IGFL2: variants seen among roughly 807,000 people sequenced by gnomAD.
IGFL2 encodes IGF like family member 2.
Under a neutral mutation model 13.9 loss-of-function variants are expected in IGFL2, and 7 were observed. The observed-to-expected ratio is 0.51, with a 90% CI of 0.29 to 0.95. IGFL2 has a LOEUF of 0.95. Ranked by LOEUF, IGFL2 falls within the 40% of genes least tolerant of loss-of-function variation. IGFL2 has a pLI of 0.08. For missense variants in IGFL2, 138 were observed against 147.8 expected, an observed-to-expected ratio of 0.93 and a Z score of 0.34; for synonymous variants, 55 against 55.8, an observed-to-expected ratio of 0.99 and a Z score of 0.07.
chr19:46,176,009 A>ATTTTTTTTT, the IGFL2 span, among the ~76,000 whole-genome samples: 4 of 71,894 alleles, frequency 5.6e-5, no homozygotes, highest in Admixed American at 3.7e-4. Context: ...CGCCCGACTA[A>ATTTTTTTTT]TTTTTTTTTT....
At chr19:46,214,925 C>G in the IGFL2 span, 11 of 151,390 alleles carry the variant, frequency 7.3e-5, no homozygotes, top group South Asian at 8.4e-4. Flanking sequence ...CACAGGCTGT[C>G]ACGTGTCCTC....
At chr19:46,186,083 C>T in the IGFL2 span, among the ~76,000 whole-genome samples, 15 of 152,260 alleles carry the variant, frequency 9.9e-5, no homozygotes, top group Admixed American at 7.8e-4. Context: ...CAGGAAGTCT[C>T]GAGGTGAGTG....
At chr19:46,162,743 T>G (rs1377417891), downstream of IGFL2, among the ~76,000 whole-genome samples, 1 of 152,238 alleles carries the variant, frequency 6.6e-6, no homozygotes, top group Non-Finnish European at 1.5e-5. Context: ...TTTGCCATCC[T>G]CCTGAATTTC....
At chr19:46,180,313 G>C in the IGFL2 span, among the ~76,000 whole-genome samples, 16 of 151,698 alleles carry the variant, frequency 1.1e-4, no homozygotes, top group African/African-American at 3.9e-4. Flanking sequence ...CGAGTAGCTG[G>C]AACTACAGGC....
chr19:46,143,823 A>G (rs1972976692), upstream of IGFL2, among the ~76,000 whole-genome samples: 1 of 152,212 alleles, frequency 6.6e-6, no homozygotes, highest in South Asian at 2.1e-4. Flanking sequence ...ACTGAGCTAT[A>G]TAAACAGGCC....
At chr19:46,183,837 T>C in the IGFL2 span, among the ~76,000 whole-genome samples, 1 of 152,110 alleles carries the variant, frequency 6.6e-6, no homozygotes, top group Admixed American at 6.5e-5. Flanking sequence ...CGCCCAGCCT[T>C]GCAGACTCTT....
At position 46,154,326 on chromosome 19, in the gene IGFL2, C is replaced by T. The variant is rs149046891; in HGVS notation, c.19+6029C>T. Among the ~76,000 whole-genome samples the T allele has an allele frequency of 3.3e-4, 50 of 152,240 alleles. No homozygotes were observed. In the East Asian group the frequency reaches 9.5e-3, roughly 29 times the overall value. On this transcript the variant is annotated intron_variant, in intron 1 of 3. Transcript: ENST00000377693. ...GGCTGCTTAATGTCTAACCCTTTTG[C>T]CAAGACAAAGTGTTGCCAGGGTTTG...
At chr19:46,176,955 A>G in the IGFL2 span, among the ~76,000 whole-genome samples, 1 of 152,208 alleles carries the variant, frequency 6.6e-6, no homozygotes, top group Non-Finnish European at 1.5e-5. Context: ...GGGGAGTCCA[A>G]GCTCTTCTAA....
At chr19:46,079,414 C>T in the IGFL2 span, among the ~76,000 whole-genome samples, 2,048 of 152,312 alleles carry the variant, frequency 0.013, 32 homozygotes, top group Middle Eastern at 0.027. Flanking sequence ...TCGTGCGTAC[C>T]ATGGTGCACC....
At chr19:46,145,362 C>T (rs936344011), upstream of IGFL2, among the ~76,000 whole-genome samples, 2 of 151,776 alleles carry the variant, frequency 1.3e-5, no homozygotes, top group Admixed American at 6.6e-5. Flanking sequence ...ACACATACTC[C>T]GGCACTTTTT....
the IGFL2 span, among the ~76,000 whole-genome samples, chr19:46,132,787 T>C: frequency 1.3e-5 from 2 of 151,642 alleles, no homozygotes; most frequent in Admixed American, 1.3e-4. Context: ...ATGGATAGAA[T>C]TGTTTCTTGG....
At chr19:46,202,426 A>C in the IGFL2 span, 1 of 152,192 alleles carries the variant, frequency 6.6e-6, no homozygotes, top group African/African-American at 2.4e-5. Flanking sequence ...TTTAGAACAC[A>C]GGCTAAGGGA....
At chr19:46,213,438 C>G in the IGFL2 span, 1,418 of 153,306 alleles carry the variant, frequency 9.2e-3, 23 homozygotes, top group African/African-American at 0.032. Flanking sequence ...CAGCTCACTC[C>G]GCTGCAGCCG....
chr19:46,081,932 G>A, the IGFL2 span, among the ~76,000 whole-genome samples: 1 of 152,180 alleles, frequency 6.6e-6, no homozygotes, highest in Non-Finnish European at 1.5e-5. Context: ...ACTTTATTCT[G>A]TGTGCAGTTT....
chr19:46,201,754 A>G, the IGFL2 span, among the ~76,000 whole-genome samples: 1 of 152,166 alleles, frequency 6.6e-6, no homozygotes, highest in African/African-American at 2.4e-5. Context: ...CAAGAGGAAG[A>G]CGTGAAGGAG....
chr19:46,197,830 C>T, the IGFL2 span, among the ~76,000 whole-genome samples: 1 of 152,080 alleles, frequency 6.6e-6, no homozygotes, highest in Non-Finnish European at 1.5e-5. Context: ...CTGTGCCTGG[C>T]CAGGACAGGA....
the IGFL2 span, among the ~76,000 whole-genome samples, chr19:46,181,637 G>A: frequency 6.6e-6 from 1 of 152,204 alleles, no homozygotes; most frequent in Admixed American, 6.5e-5. Context: ...CGTAAAGACA[G>A]CTTTAGACGT....
At chr19:46,199,298 C>T in the IGFL2 span, among the ~76,000 whole-genome samples, 1 of 152,300 alleles carries the variant, frequency 6.6e-6, no homozygotes, top group South Asian at 2.1e-4. Flanking sequence ...CCTTACTTGT[C>T]AGAAAAACAA....
At chr19:46,094,187 A>T in the IGFL2 span, among the ~76,000 whole-genome samples, 7 of 152,092 alleles carry the variant, frequency 4.6e-5, no homozygotes, top group Non-Finnish European at 1.0e-4. Flanking sequence ...GGCTTTTTAT[A>T]AAGGTGTAGT....
Sources: gnomAD v4.1 joint callset for allele counts (sites outside exome capture counted in the v4.1 genomes callset) on GRCh38, gnomAD v4.1.1 for gene constraint, MANE v1.5 for transcripts, NCBI Gene and HGNC (gene_info 2026-07-23, HGNC 2026-07-21) for gene names.